Variants in ACKR2 observed in about 807,000 individuals in gnomAD.
The protein encoded by ACKR2 is atypical chemokine receptor 2.
For synonymous variants in ACKR2, 207 were observed against 192.2 expected (o/e 1.08, Z -0.64); for missense variants, 457 against 477.3 (o/e 0.96, Z 0.40).
At chr3:42,830,212 G>C (rs1207694282) in intron 2 of ACKR2, among the ~76,000 whole-genome samples, 3 of 152,190 alleles carry the variant, frequency 2.0e-5, no homozygotes, top group Non-Finnish European at 2.9e-5. Context: ...CTGTATCAAA[G>C]GAAGTATGTC....
intron 2 of ACKR2, among the ~76,000 whole-genome samples, chr3:42,836,440 G>T (rs1381272838): frequency 6.6e-6 from 1 of 152,140 alleles, no homozygotes; most frequent in East Asian, 1.9e-4. Flanking sequence ...TCCTCACTTA[G>T]GTTCTGTGTT....
intron 2 of ACKR2, among the ~76,000 whole-genome samples, chr3:42,837,358 A>G (rs970359503): frequency 2.9e-4 from 44 of 152,250 alleles, no homozygotes; most frequent in African/African-American, 7.7e-4. Flanking sequence ...CTGGGACTAC[A>G]GGTGCATGCC....
At chr3:42,861,497 C>T (rs974057134) in intron 2 of ACKR2, among the ~76,000 whole-genome samples, 2 of 152,140 alleles carry the variant, frequency 1.3e-5, no homozygotes, top group Non-Finnish European at 2.9e-5. Context: ...AGAGGGAATC[C>T]TCTTTAACTC....
chr3:42,813,956 C>T lies in ACKR2; in HGVS notation c.-119+4424C>T, dbSNP rs17074834. On this transcript the variant is annotated intron_variant, in intron 1 of 2. Coordinates refer to ENST00000422265, the MANE Select transcript of ACKR2 (RefSeq NM_001296.5). Reference sequence around the variant, plus strand: ...CCTTGCAAATTCTAAGAAGTTCACACTTTACCCAAACTTAATGTAATAACG... The same window carrying T: ...CCTTGCAAATTCTAAGAAGTTCACATTTTACCCAAACTTAATGTAATAACG... Among the ~76,000 whole-genome samples the T allele has an allele frequency of 5.7e-3, 865 of 152,272 alleles. 54 individuals carry two copies. In the East Asian group the frequency reaches 0.13, roughly 22 times the overall value.
intron 2 of ACKR2, among the ~76,000 whole-genome samples, chr3:42,822,379 A>C (rs550453205): frequency 6.6e-6 from 1 of 152,306 alleles, no homozygotes; most frequent in South Asian, 2.1e-4. Context: ...TCACTACCTG[A>C]ATAGAATCTC....
chr3:42,810,456 G>C (rs561758194), intron 1 of ACKR2, among the ~76,000 whole-genome samples: 48 of 143,724 alleles, frequency 3.3e-4, no homozygotes, highest in Non-Finnish European at 5.9e-4. Flanking sequence ...CTTTGCCTTT[G>C]TTAAATGCCC....
At chr3:42,815,573 T>C (rs937580331) in intron 1 of ACKR2, among the ~76,000 whole-genome samples, 2 of 152,216 alleles carry the variant, frequency 1.3e-5, no homozygotes, top group Non-Finnish European at 1.5e-5. Flanking sequence ...TGTTTCAAAG[T>C]TGTATTTAAA....
At chr3:42,816,512 C>T (rs530926613) in intron 1 of ACKR2, among the ~76,000 whole-genome samples, 11 of 151,458 alleles carry the variant, frequency 7.3e-5, no homozygotes, top group East Asian at 1.9e-4. Flanking sequence ...TTGACTTTTC[C>T]GCTGAGGAAA....
chr3:42,856,415 A>C (rs1396930903), intron 2 of ACKR2: 1 of 702,826 alleles, frequency 1.4e-6, no homozygotes, highest in African/African-American at 1.7e-5. Context: ...AGATCATGGT[A>C]TCATAGATAC....
chr3:42,830,505 C>T (rs1208994360), intron 2 of ACKR2, among the ~76,000 whole-genome samples: 2 of 151,948 alleles, frequency 1.3e-5, no homozygotes. Flanking sequence ...TTTGTCTGTC[C>T]CCTCCCCCAA....
chr3:42,831,030 C>CA (rs201837698), intron 2 of ACKR2, among the ~76,000 whole-genome samples: 1,940 of 146,268 alleles, frequency 0.013, 30 homozygotes, highest in South Asian at 0.081. Context: ...AAACTTCAGG[C>CA]AAAAAAAATA....
At position 42,865,737 on chromosome 3, in the gene ACKR2, C is replaced by T. The variant is rs2088430078; in HGVS notation, c.*80C>T. ...CACTCAAAGTGCTCTCTCCAGGGGC[C>T]TCAGTGACTGTGTTGCTAAACCCAG... On this transcript the variant is annotated 3_prime_UTR_variant, in exon 3 of 3. Coordinates refer to ENST00000422265, the MANE Select transcript of ACKR2 (RefSeq NM_001296.5). 1.7e-6 allele frequency: 2 copies of T among 1,152,168 alleles called. No individual in the cohort carries two copies. Among genetic ancestry groups the T allele is most frequent in the South Asian group, 1.5e-5 (1 of 64,756 alleles). The allele number at this position is 1,152,168 out of a possible 1,614,324, so 71.4% of individuals were successfully genotyped here.
chr3:42,828,491 C>T (rs1054134301), intron 2 of ACKR2, among the ~76,000 whole-genome samples: 1 of 152,174 alleles, frequency 6.6e-6, no homozygotes, highest in South Asian at 2.1e-4. Flanking sequence ...TTCTCCCTTC[C>T]TTCCTTCCAC....
chr3:42,856,394 C>G lies in ACKR2; in HGVS notation c.-37-8072C>G, dbSNP rs540560535. On this transcript the variant is annotated intron_variant, in intron 2 of 2. Coordinates refer to ENST00000422265, the MANE Select transcript of ACKR2 (RefSeq NM_001296.5). ...CTGTTTCAGCAGCACTGAATAGTTC[C>G]ATCAGCCATGAGATCATGGTATCAT... 9 of 702,840 alleles carry G rather than the reference C, an allele frequency of 1.3e-5. No homozygotes were observed. In the East Asian group the frequency reaches 2.4e-4, roughly 19 times the overall value. 43.5% of individuals were successfully genotyped at this position (702,840 alleles called of 1,614,324 possible). A position where few individuals can be genotyped will look rare whatever the true frequency, so the allele number is the denominator to read the frequency against.
intron 2 of ACKR2, among the ~76,000 whole-genome samples, chr3:42,863,357 A>G (rs2088403147): frequency 6.6e-6 from 1 of 152,232 alleles, no homozygotes; most frequent in African/African-American, 2.4e-5. Context: ...AAGTCAGGAT[A>G]AAACAGATGC....
intron 2 of ACKR2, among the ~76,000 whole-genome samples, chr3:42,843,208 T>C (rs1347735527): frequency 6.6e-6 from 1 of 151,606 alleles, no homozygotes; most frequent in Non-Finnish European, 1.5e-5. Context: ...GTAGCTGGGA[T>C]TACAGGTGCC....
chr3:42,851,370 A>C lies in ACKR2; in HGVS notation c.-37-13096A>C, dbSNP rs540696782. 2.0e-6 allele frequency: 2 copies of C among 985,472 alleles called. 1 individual carries two copies. Among genetic ancestry groups the C allele is most frequent in the South Asian group, 9.4e-5 (2 of 21,286 alleles). 61.0% of individuals were successfully genotyped at this position (985,472 alleles called of 1,614,324 possible). Reference sequence around the variant, plus strand: ...TGGAAAGGAATTACACTCTGTCTGCACTTCCCTGAGGAAGAGGCACCTGGC... The same window carrying C: ...TGGAAAGGAATTACACTCTGTCTGCCCTTCCCTGAGGAAGAGGCACCTGGC... On this transcript the variant is annotated intron_variant, in intron 2 of 2. Transcript: ENST00000422265.
chr3:42,845,857 AAAAAAAAAG>A (rs1359923474), intron 2 of ACKR2, among the ~76,000 whole-genome samples: 13 of 151,576 alleles, frequency 8.6e-5, no homozygotes, highest in African/African-American at 3.1e-4. Context: ...TCAAAAAAAA[AAAAAAAAAG>A]AAAAAAGAAA....
chr3:42,842,266 G>T (rs563734521), intron 2 of ACKR2, among the ~76,000 whole-genome samples: 1 of 152,240 alleles, frequency 6.6e-6, no homozygotes. Flanking sequence ...TATTTTTCTA[G>T]TTATGTTTTT....
Sources: allele counts gnomAD v4.1 joint callset (sites outside exome capture counted in the v4.1 genomes callset), GRCh38; gene constraint gnomAD v4.1.1; transcripts MANE v1.5; gene names NCBI Gene and HGNC (gene_info 2026-07-23, HGNC 2026-07-21).